Variants in ELF1 observed in about 807,000 individuals in gnomAD.
The protein encoded by ELF1 is ETS-related transcription factor Elf-1.
In ELF1, 24 loss-of-function variants were observed where a neutral mutation model predicts 59.9. That is an observed-to-expected ratio of 0.40 (90% CI 0.29 to 0.56). The LOEUF is 0.56. Among genes scored for constraint, ELF1 ranks in the 20% least tolerant of loss-of-function variants. The pLI is 0.44. For synonymous variants in ELF1, 248 were observed against 266.2 expected (o/e 0.93, Z 0.67); for missense variants, 627 against 742.2 (o/e 0.84, Z 1.80).
intron 8 of ELF1, among the ~76,000 whole-genome samples, chr13:40,938,299 T>C (rs1305825248): frequency 6.6e-6 from 1 of 152,220 alleles, no homozygotes; most frequent in African/African-American, 2.4e-5. Context: ...TGGCTTCTTT[T>C]TGTAAATTTG....
At chr13:40,962,679 CAAAA>C (rs542393144) in intron 2 of ELF1, among the ~76,000 whole-genome samples, 3 of 69,200 alleles carry the variant, frequency 4.3e-5, no homozygotes, top group Admixed American at 1.7e-4. Context: ...AAGACTGTCT[CAAAA>C]AAAAAAAAAA....
chr13:41,029,904 C>A (rs1004990468), intron 1 of ELF1, among the ~76,000 whole-genome samples: 3 of 152,148 alleles, frequency 2.0e-5, no homozygotes, highest in Admixed American at 1.3e-4. Context: ...TATCAGAGTT[C>A]AGTTCTGAAC....
At chr13:41,001,265 G>C (rs1484401423) in intron 1 of ELF1, among the ~76,000 whole-genome samples, 1 of 152,022 alleles carries the variant, frequency 6.6e-6, no homozygotes, top group Non-Finnish European at 1.5e-5. Context: ...GTGAGCCACT[G>C]TGCCTGGCCA....
chr13:40,995,539 A>G (rs1031101185), intron 1 of ELF1, among the ~76,000 whole-genome samples: 2 of 152,200 alleles, frequency 1.3e-5, no homozygotes, highest in African/African-American at 4.8e-5. Context: ...ATGGAACAGA[A>G]TAGAGAGCAC....
At chr13:41,028,304 T>G (rs891478196) in intron 1 of ELF1, among the ~76,000 whole-genome samples, 3 of 152,194 alleles carry the variant, frequency 2.0e-5, no homozygotes, top group East Asian at 1.9e-4. Context: ...AAGAAGAGTA[T>G]GTCTGGAATA....
Position 41,051,419 on chromosome 13 carries a change from A to G in ELF1, c.-229+9419T>C, listed in dbSNP as rs544318981. On this transcript the variant is annotated intron_variant, in intron 1 of 1. Transcript: ENST00000405737. Reference sequence around the variant, plus strand: ...TGGCTGTACCCTTCCTTTCTATTTCAGCTCTGTGCACCTTGGCATTAGAGG... The same window carrying G: ...TGGCTGTACCCTTCCTTTCTATTTCGGCTCTGTGCACCTTGGCATTAGAGG... Among the ~76,000 whole-genome samples the G allele has an allele frequency of 9.9e-5, 15 of 152,042 alleles. No homozygotes were observed. The South Asian group carries it at 3.1e-3, about 32-fold the overall frequency.
chr13:41,008,958 C>CT (rs199780763), intron 1 of ELF1, among the ~76,000 whole-genome samples: 122 of 150,554 alleles, frequency 8.1e-4, no homozygotes, highest in Middle Eastern at 3.4e-3. Context: ...CTTTTTTGCA[C>CT]TTTTTTTTTT....
chr13:40,949,958 C>A lies in ELF1; in HGVS notation c.377G>T (p.Ser126Ile). The A allele has an allele frequency of 6.2e-7, 1 of 1,611,958 alleles. No homozygotes were observed. The highest frequency in any genetic ancestry group is 8.5e-7 in the Non-Finnish European group (1 of 1,179,046). Residue 126 changes from serine to isoleucine, a missense_variant, in exon 5 of 9, where the codon AGT becomes ATT. By Grantham distance (142) the Ser-to-Ile change is moderately radical. Coordinates refer to ENST00000239882, the MANE Select transcript of ELF1 (RefSeq NM_172373.4). ...AACAACCATGTCATCTTCAGGTGAA[C>A]TAAATATATTATTATCTAATGAAAA... ...DEKRINNNIF[S>I]SPEDDMVVAP...
chr13:41,004,633 GT>G (rs1010088135), intron 1 of ELF1, among the ~76,000 whole-genome samples: 2 of 152,132 alleles, frequency 1.3e-5, no homozygotes, highest in South Asian at 4.1e-4. Context: ...TGCTTTGAAA[GT>G]TTTACAGAAT....
intron 1 of ELF1, chr13:40,993,288 C>T (rs1212901132): frequency 2.6e-6 from 4 of 1,568,452 alleles, no homozygotes; most frequent in Non-Finnish European, 3.5e-6. Flanking sequence ...GCGCTTGAGA[C>T]ACAGCAGGTG....
intron 1 of ELF1, among the ~76,000 whole-genome samples, chr13:41,052,919 T>C (rs1877141404): frequency 1.3e-5 from 2 of 152,174 alleles, no homozygotes; most frequent in Admixed American, 1.3e-4. Context: ...ATGTGAGACA[T>C]ATGTGTTAGC....
chr13:41,033,030 A>G (rs1343604215), intron 1 of ELF1, among the ~76,000 whole-genome samples: 1 of 152,158 alleles, frequency 6.6e-6, no homozygotes, highest in Non-Finnish European at 1.5e-5. Context: ...TGATTTTTTA[A>G]AAAATTACCC....
chr13:41,011,476 C>G (rs1463092938), intron 1 of ELF1, among the ~76,000 whole-genome samples: 1 of 152,096 alleles, frequency 6.6e-6, no homozygotes, highest in East Asian at 1.9e-4. Flanking sequence ...CAAGGTCTTA[C>G]TTTGTTGCCC....
chr13:40,967,653 G>A (rs779723905), intron 2 of ELF1, among the ~76,000 whole-genome samples: 5 of 151,984 alleles, frequency 3.3e-5, no homozygotes, highest in Admixed American at 6.6e-5. Flanking sequence ...GTGCAGTGGC[G>A]TGATCACAGC....
At chr13:40,976,577 T>C (rs1048295094) in intron 2 of ELF1, among the ~76,000 whole-genome samples, 3 of 152,230 alleles carry the variant, frequency 2.0e-5, no homozygotes, top group Non-Finnish European at 4.4e-5. Context: ...GTTTCACTCT[T>C]GTTGCCCAGG....
At chr13:40,993,210 GA>G (rs1934265673) in intron 1 of ELF1, 1 of 1,541,446 alleles carries the variant, frequency 6.5e-7, no homozygotes, top group African/African-American at 1.4e-5. Flanking sequence ...TCCTAACAGT[GA>G]GGCAGGAGCA....
exon 1 of ELF1, chr13:41,061,194 G>C (rs534201464): frequency 2.2e-4 from 46 of 207,988 alleles, no homozygotes; most frequent in Non-Finnish European, 4.0e-4. Context: ...AGTTGAGAGC[G>C]GAGACGTCTC....
At position 41,024,718 on chromosome 13, in the gene ELF1, T is replaced by C. The variant is rs943730432; in HGVS notation, c.-229+36120A>G. Among the ~76,000 whole-genome samples, 6 of 152,264 alleles carry C rather than the reference T, an allele frequency of 3.9e-5. No homozygotes were observed. In the South Asian group the frequency reaches 1.2e-3, roughly 32 times the overall value. ...TATGTAGCCCTAGCATCTACTGTAG[T>C]TACTGCTCTTCACACAGCAGCCACT... On this transcript the variant is annotated intron_variant, in intron 1 of 1. Transcript: ENST00000405737.
rs34145306 is a variant in ELF1 at position 40,993,899 on chromosome 13, A to ATT, written c.-228-11619_-228-11618dup. On this transcript the variant is annotated intron_variant, in intron 1 of 8. Transcript: ENST00000239882. ...TTTTATGTAAATAAAGCACAAATCGATTTTTTTTTTGTATAGGATGTCTCA... is the reference window on the plus strand; with the variant it reads ...TTTTATGTAAATAAAGCACAAATCGATTTTTTTTTTTTGTATAGGATGTCTCA... Among the ~76,000 whole-genome samples, 747 of 149,650 alleles carry ATT rather than the reference A, an allele frequency of 5.0e-3. 6 individuals are homozygous for ATT. Among genetic ancestry groups the ATT allele is most frequent in the African/African-American group, 0.017 (682 of 40,746 alleles).
Sources: allele counts gnomAD v4.1 joint callset (sites outside exome capture counted in the v4.1 genomes callset), GRCh38; gene constraint gnomAD v4.1.1; transcripts MANE v1.5; gene names NCBI Gene and HGNC (gene_info 2026-07-23, HGNC 2026-07-21).